PTPRC: variants seen among roughly 807,000 people sequenced by gnomAD.
PTPRC encodes receptor-type tyrosine-protein phosphatase C.
Under a neutral mutation model 155.9 loss-of-function variants are expected in PTPRC, and 44 were observed. The observed-to-expected ratio is 0.28, with a 90% confidence interval of 0.22 to 0.36. The LOEUF (loss-of-function observed/expected upper bound fraction) is 0.36. Ranked by LOEUF, PTPRC falls within the 10% of genes least tolerant of loss-of-function variation. The probability of loss-of-function intolerance (pLI) is 1.00; values close to 1 mark genes in which losing one functional copy is unlikely to be tolerated. For missense variants in PTPRC, 1,401 were observed against 1,564.6 expected (o/e 0.90, Z 1.76); for synonymous variants, 525 against 533.1 (o/e 0.98, Z 0.21).
At position 198,728,336 on chromosome 1, in the gene PTPRC, C is replaced by G; in HGVS notation, c.1721-4C>G. 1 of 1,608,672 alleles carries G rather than the reference C, an allele frequency of 6.2e-7. No individual in the cohort carries two copies. Among genetic ancestry groups the G allele is most frequent in the Non-Finnish European group, 8.5e-7 (1 of 1,176,240 alleles). The stretch of plus-strand genomic sequence containing the variant: ...TCTCTGAATGTATTATTTTTCATTT[C>G]TAGATAATTCTAAGGCACTGATAGC... On this transcript the variant is annotated splice_polypyrimidine_tract_variant and splice_region_variant and intron_variant, in intron 15 of 32. Transcript: ENST00000442510.
At position 198,756,403 on chromosome 1, in the gene PTPRC, G is replaced by A. The variant is rs910751973; in HGVS notation, c.*222G>A. 6 of 593,578 alleles carry A rather than the reference G, an allele frequency of 1.0e-5. No individual in the cohort carries two copies. Among genetic ancestry groups the A allele is most frequent in the African/African-American group, 5.6e-5 (3 of 53,428 alleles). 36.8% of individuals were successfully genotyped at this position (593,578 alleles called of 1,614,324 possible). The stretch of plus-strand genomic sequence containing the variant: ...ATTTTAAAATTTTATCTCTTATTCA[G>A]TAAAAAACAACTTCTTTGTAATCGT... On this transcript the variant is annotated 3_prime_UTR_variant, in exon 33 of 33. Transcript: ENST00000442510.
chr1:198,690,989 A>G (rs1665892621), intron 2 of PTPRC, among the ~76,000 whole-genome samples: 1 of 152,042 alleles, frequency 6.6e-6, no homozygotes, highest in South Asian at 2.1e-4. Flanking sequence ...TCCCCATATT[A>G]TTTGACTTCA....
chr1:198,663,356 C>A (rs1402625280), intron 2 of PTPRC, among the ~76,000 whole-genome samples: 2 of 152,174 alleles, frequency 1.3e-5, no homozygotes, highest in Non-Finnish European at 2.9e-5. Context: ...CTCAGGAGCA[C>A]TTTTAGCTAT....
intron 2 of PTPRC, among the ~76,000 whole-genome samples, chr1:198,642,907 C>CCTTTCTTTCTTT (rs550706909): frequency 1.9e-4 from 18 of 93,744 alleles, no homozygotes; most frequent in African/African-American, 4.5e-4. Flanking sequence ...TTTCTTTCTT[C>CCTTTCTTTCTTT]CTTTCTTTCT....
chr1:198,719,763 A>G (rs1171889678), intron 14 of PTPRC, among the ~76,000 whole-genome samples: 2 of 152,018 alleles, frequency 1.3e-5, no homozygotes, highest in Non-Finnish European at 2.9e-5. Flanking sequence ...GGCACCTGCC[A>G]CCACACCTGG....
intron 6 of PTPRC, 29 bp from the exon 7 acceptor site, chr1:198,703,269 C>CT (rs1245974059): frequency 6.2e-7 from 1 of 1,611,474 alleles, no homozygotes; most frequent in African/African-American, 1.3e-5. Flanking sequence ...AATTAATTAG[C>CT]TTTTATTCTT....
At position 198,718,174 on chromosome 1, in the gene PTPRC, C is replaced by A. The variant is rs746951007; in HGVS notation, c.1531C>A (p.Arg511Ser). ...TGTCAAGTGTAGGCCTCCCAGGGAC[C>A]GTAATGGCCCCCATGAACGTTACCA... ...MHVKCRPPRD[R>S]NGPHERYHLE... Residue 511 changes from arginine (R) to serine (S), a missense_variant, in exon 14 of 33, where the codon CGT becomes AGT. Physicochemically the swap from Arg to Ser is moderately radical, Grantham distance 110 (BLOSUM62 -1). Around this residue, in one of 3 missense-constraint regions of PTPRC, gnomAD observed 867 missense variants for 970.4 expected, o/e 0.89. Coordinates refer to ENST00000442510, the MANE Select transcript of PTPRC (RefSeq NM_002838.5). 6.2e-7 allele frequency: 1 copy of A among 1,613,756 alleles called. No homozygotes were observed. The highest frequency in any genetic ancestry group is 8.5e-7 in the Non-Finnish European group (1 of 1,179,708).
At chr1:198,739,482 G>C (rs554233253) in intron 23 of PTPRC, among the ~76,000 whole-genome samples, 2 of 151,732 alleles carry the variant, frequency 1.3e-5, no homozygotes, top group African/African-American at 2.4e-5. Flanking sequence ...AAGAGACACC[G>C]ATTGTCTCTA....
intron 15 of PTPRC, among the ~76,000 whole-genome samples, chr1:198,727,003 C>T (rs1003222717): frequency 3.3e-5 from 5 of 151,858 alleles, no homozygotes; most frequent in Non-Finnish European, 2.9e-5. Flanking sequence ...GTTGGCATTA[C>T]AGACACACAC....
At chr1:198,718,663 A>G (rs1464616075) in intron 14 of PTPRC, among the ~76,000 whole-genome samples, 3 of 152,148 alleles carry the variant, frequency 2.0e-5, no homozygotes, top group East Asian at 3.8e-4. Flanking sequence ...GAATTTTTCA[A>G]TTGCAAAATT....
rs777995662 is a variant in PTPRC, at chr1:198,742,374, T to C, written c.2697+7T>C. ...CCTGATGGTTCAAGTAGAGGTATGT[T>C]CTAACCTTTAGTGATTATTCTCACT... On this transcript the variant is annotated splice_region_variant and intron_variant, in intron 25 of 32. Transcript: ENST00000442510. 23 of 1,611,706 alleles carry C rather than the reference T, an allele frequency of 1.4e-5. No individual in the cohort carries two copies. Among genetic ancestry groups the C allele is most frequent in the South Asian group, 2.2e-5 (2 of 91,046 alleles).
chr1:198,658,830 C>CA (rs111375457), intron 2 of PTPRC, among the ~76,000 whole-genome samples: 2,906 of 145,098 alleles, frequency 0.02, 39 homozygotes, highest in African/African-American at 0.045. Context: ...CATGATAATC[C>CA]AAAAAAAAAA....
At chr1:198,701,219 T>G (rs1229754136) in intron 5 of PTPRC, among the ~76,000 whole-genome samples, 1 of 152,234 alleles carries the variant, frequency 6.6e-6, no homozygotes, top group Non-Finnish European at 1.5e-5. Context: ...TGAGAACCCA[T>G]GCTCAATTAT....
intron 26 of PTPRC, among the ~76,000 whole-genome samples, chr1:198,746,358 T>C (rs1655132194): frequency 1.3e-5 from 2 of 151,740 alleles, no homozygotes; most frequent in Admixed American, 6.6e-5. Flanking sequence ...TATCTTTTCT[T>C]GAAGCTGTGA....
At chr1:198,642,356 C>CT (rs1218476209) in intron 2 of PTPRC, among the ~76,000 whole-genome samples, 11 of 132,736 alleles carry the variant, frequency 8.3e-5, no homozygotes, top group South Asian at 2.5e-4. Flanking sequence ...ATATACTAGT[C>CT]AATCTATCTA....
At chr1:198,648,806 G>A (rs751153071) in intron 2 of PTPRC, among the ~76,000 whole-genome samples, 54 of 151,868 alleles carry the variant, frequency 3.6e-4, no homozygotes, top group Admixed American at 1.5e-3. Context: ...ACAGGACTGA[G>A]TCTGTCTTGA....
chr1:198,749,606 T>C, intron 28 of PTPRC, 57 bp downstream of exon 28: 1 of 1,535,422 alleles, frequency 6.5e-7, no homozygotes, highest in African/African-American at 1.4e-5. Context: ...AATATCTATG[T>C]TATTAGGGCC....
intron 2 of PTPRC, among the ~76,000 whole-genome samples, chr1:198,651,871 C>G (rs1663272284): frequency 6.6e-6 from 1 of 151,746 alleles, no homozygotes; most frequent in Non-Finnish European, 1.5e-5. Context: ...CATTGAGTGT[C>G]TCGTGTGCCT....
intron 2 of PTPRC, among the ~76,000 whole-genome samples, chr1:198,663,200 T>A (rs1664083171): frequency 6.6e-6 from 1 of 152,234 alleles, no homozygotes; most frequent in Non-Finnish European, 1.5e-5. Context: ...TTCTTAGACC[T>A]GAACCCTGCT....
Sources: allele counts gnomAD v4.1 joint callset (sites outside exome capture counted in the v4.1 genomes callset), GRCh38; gene constraint gnomAD v4.1.1; regional missense constraint gnomAD v4.1.1; transcripts MANE v1.5; gene names NCBI Gene and HGNC (gene_info 2026-07-23, HGNC 2026-07-21).